DPRX: variants seen among roughly 807,000 people sequenced by gnomAD.
DPRX encodes divergent-paired related homeobox.
DPRX carries 11 observed loss-of-function variants against 8.4 expected under a neutral mutation model. The observed-to-expected ratio is 1.31, with a 90% CI of 0.82 to 2.17. The LOEUF is 2.17. Among genes scored for constraint, DPRX ranks in the 30% most tolerant of loss-of-function variants. The probability of loss-of-function intolerance (pLI) is 0.00; values close to 1 mark genes in which losing one functional copy is unlikely to be tolerated. For missense variants in DPRX, 211 were observed against 236.7 expected (o/e 0.89, Z 0.71); for synonymous variants, 72 against 87.0 (o/e 0.83, Z 0.96).
At chr19:53,635,900 C>T (rs2091110114) in intron 2 of DPRX, among the ~76,000 whole-genome samples, 1 of 152,134 alleles carries the variant, frequency 6.6e-6, no homozygotes, top group Non-Finnish European at 1.5e-5. Flanking sequence ...GATCCCCTTG[C>T]TCTCCTATCC....
chr19:53,614,881 A>T, the DPRX span, among the ~76,000 whole-genome samples: 1 of 151,948 alleles, frequency 6.6e-6, no homozygotes, highest in African/African-American at 2.4e-5. Context: ...ACACTTTGGG[A>T]GGCTAAGGCA....
chr19:53,614,017 T>C, the DPRX span, among the ~76,000 whole-genome samples: 1 of 151,756 alleles, frequency 6.6e-6, no homozygotes, highest in African/African-American at 2.4e-5. Flanking sequence ...AGTGGCCTGA[T>C]CTCGGCTCAC....
At chr19:53,629,605 T>A (rs2091083761), upstream of DPRX, 1 of 151,666 alleles carries the variant, frequency 6.6e-6, no homozygotes, top group African/African-American at 2.4e-5. Flanking sequence ...GACGGCAGAT[T>A]ACAGGCTCTT....
At chr19:53,619,854 CAAAA>C in the DPRX span, among the ~76,000 whole-genome samples, 3 of 111,080 alleles carry the variant, frequency 2.7e-5, no homozygotes, top group Admixed American at 9.8e-5. Flanking sequence ...GACTCTATCT[CAAAA>C]AAAAAAAAAA....
At chr19:53,602,305 TGTGTGTGC>T in the DPRX span, 6 of 320,996 alleles carry the variant, frequency 1.9e-5, no homozygotes, top group African/African-American at 1.1e-4. Flanking sequence ...TGTGTGTGTG[TGTGTGTGC>T]CAGCCTCCCA....
the DPRX span, among the ~76,000 whole-genome samples, chr19:53,622,923 G>A: frequency 6.6e-6 from 1 of 152,004 alleles, no homozygotes; most frequent in African/African-American, 2.4e-5. Context: ...TTGACTGTTG[G>A]TTATATGCAG....
At chr19:53,628,975 A>G (rs1485815052), upstream of DPRX, among the ~76,000 whole-genome samples, 1 of 152,036 alleles carries the variant, frequency 6.6e-6, no homozygotes, top group Non-Finnish European at 1.5e-5. Flanking sequence ...TCCACAAATG[A>G]ATGGATTAAA....
the DPRX span, among the ~76,000 whole-genome samples, chr19:53,623,686 G>A: frequency 1.1e-4 from 17 of 151,566 alleles, no homozygotes; most frequent in Admixed American, 2.6e-4. Context: ...GCTCACGCCT[G>A]TAATCCCAAC....
At chr19:53,619,927 C>G in the DPRX span, among the ~76,000 whole-genome samples, 1 of 151,682 alleles carries the variant, frequency 6.6e-6, no homozygotes, top group Non-Finnish European at 1.5e-5. Context: ...TCCTTTGAAG[C>G]CTGTTGAAGA....
chr19:53,618,972 G>A, the DPRX span, among the ~76,000 whole-genome samples: 63 of 152,088 alleles, frequency 4.1e-4, no homozygotes, highest in African/African-American at 1.2e-3. Flanking sequence ...GTGAGCCACC[G>A]CGCCCAGCCA....
the DPRX span, among the ~76,000 whole-genome samples, chr19:53,608,724 G>A: frequency 2.6e-5 from 4 of 151,946 alleles, no homozygotes; most frequent in Admixed American, 6.6e-5. Flanking sequence ...AGGCTGAGGC[G>A]GGCGGATCAC....
At chr19:53,625,196 G>A in the DPRX span, among the ~76,000 whole-genome samples, 1 of 151,646 alleles carries the variant, frequency 6.6e-6, no homozygotes, top group Non-Finnish European at 1.5e-5. Flanking sequence ...GACTATAGGT[G>A]CATGCCTCCA....
chr19:53,624,693 G>T, the DPRX span, among the ~76,000 whole-genome samples: 1 of 151,970 alleles, frequency 6.6e-6, no homozygotes, highest in Non-Finnish European at 1.5e-5. Context: ...GGGATTACAA[G>T]GATGTTAGAA....
chr19:53,605,895 C>T, the DPRX span, among the ~76,000 whole-genome samples: 1 of 151,936 alleles, frequency 6.6e-6, no homozygotes, highest in Non-Finnish European at 1.5e-5. Flanking sequence ...TCTTGAACTC[C>T]TGGGATCAAG....
the DPRX span, chr19:53,616,727 C>T: frequency 8.0e-7 from 1 of 1,252,670 alleles, no homozygotes; most frequent in Non-Finnish European, 1.1e-6. Flanking sequence ...GCATTCCAGC[C>T]TGGGCAACAA....
At chr19:53,619,910 G>T in the DPRX span, among the ~76,000 whole-genome samples, 1 of 151,490 alleles carries the variant, frequency 6.6e-6, no homozygotes. Context: ...GACAATGAGG[G>T]CTTGATTCCT....
chr19:53,623,310 A>AAAATAAATAAATAAATAAATAAAT, the DPRX span, among the ~76,000 whole-genome samples: 1 of 133,936 alleles, frequency 7.5e-6, no homozygotes, highest in African/African-American at 2.7e-5. Flanking sequence ...CTGTCTCAAA[A>AAAATAAATAAATAAATAAATAAAT]AAATAAATAA....
chr19:53,628,620 G>A (rs1158953311), upstream of DPRX, among the ~76,000 whole-genome samples: 1 of 150,930 alleles, frequency 6.6e-6, no homozygotes, highest in Admixed American at 6.6e-5. Context: ...ACAGAGTTTC[G>A]CTCTTCTTGC....
the DPRX span, among the ~76,000 whole-genome samples, chr19:53,613,920 C>A: frequency 6.6e-6 from 1 of 151,558 alleles, no homozygotes; most frequent in African/African-American, 2.4e-5. Context: ...TGTGTCCAAG[C>A]CTTTTGCCCA....
Sources: allele counts gnomAD v4.1 joint callset (sites outside exome capture counted in the v4.1 genomes callset), GRCh38; gene constraint gnomAD v4.1.1; transcripts MANE v1.5; gene names NCBI Gene and HGNC (gene_info 2026-07-23, HGNC 2026-07-21).